Variants in MBD5 observed in about 807,000 individuals in gnomAD.
MBD5 encodes the protein methyl-CpG-binding domain protein 5.
A neutral mutation model predicts 117.3 loss-of-function variants in MBD5; 13 were observed. That is an observed-to-expected ratio of 0.11 (90% confidence interval 0.07 to 0.18). The LOEUF (loss-of-function observed/expected upper bound fraction) is 0.18, where lower values mean the gene tolerates loss of function less well. Among genes scored for constraint, MBD5 ranks in the 10% least tolerant of loss-of-function variants. The pLI is 1.00. For missense variants in MBD5, 1,879 were observed against 2,093.8 expected, an observed-to-expected ratio of 0.90 and a Z score of 2.00; for synonymous variants, 727 against 766.4, an observed-to-expected ratio of 0.95 and a Z score of 0.85.
chr2:148,440,573 G>A (rs1225226484), intron 4 of MBD5, among the ~76,000 whole-genome samples: 1 of 140,314 alleles, frequency 7.1e-6, no homozygotes, highest in East Asian at 2.3e-4. Flanking sequence ...TTATATTTTA[G>A]GAGAGTAAAA....
At chr2:148,213,340 A>G (rs1346902278) in intron 2 of MBD5, among the ~76,000 whole-genome samples, 1 of 152,184 alleles carries the variant, frequency 6.6e-6, no homozygotes, top group Non-Finnish European at 1.5e-5. Context: ...CATTAAATTT[A>G]TTTTAAATAT....
In MBD5 at chr2:148,469,052, A is replaced by G. The variant is rs1459305955; in HGVS notation, c.1109A>G (p.Asn370Ser). 20 of 1,614,052 alleles carry G rather than the reference A, an allele frequency of 1.2e-5. No homozygotes were observed. The highest frequency in any genetic ancestry group is 1.7e-5 in the Non-Finnish European group (20 of 1,179,964). The change falls in exon 8 of 14, where the codon AAT (asparagine) becomes AGT (serine). Residue 370 changes from asparagine (N) to serine (S), a missense_variant. Around this residue, in one of 4 missense-constraint regions of MBD5, gnomAD observed 1,666 missense variants for 1,792.2 expected, o/e 0.93. Coordinates refer to ENST00000642680, the MANE Select transcript of MBD5 (RefSeq NM_001378120.1). ...ILDPIPSKPV[N>S]QNPVIINPTS... ...GACCCTATTCCTAGTAAACCAGTGA[A>G]TCAGAACCCTGTTATCATTAATCCA...
intron 1 of MBD5, among the ~76,000 whole-genome samples, chr2:148,128,492 T>C (rs1696957034): frequency 6.6e-6 from 1 of 152,198 alleles, no homozygotes; most frequent in Admixed American, 6.5e-5. Flanking sequence ...TTAAGTTTCT[T>C]TGTGGGACTG....
At chr2:148,077,648 C>A (rs941348704) in intron 1 of MBD5, among the ~76,000 whole-genome samples, 3 of 151,954 alleles carry the variant, frequency 2.0e-5, no homozygotes, top group African/African-American at 4.8e-5. Flanking sequence ...TTGATAATAC[C>A]TAAGGACGTG....
At chr2:148,147,445 T>A (rs1353530585) in intron 1 of MBD5, among the ~76,000 whole-genome samples, 1 of 151,764 alleles carries the variant, frequency 6.6e-6, no homozygotes, top group Admixed American at 6.6e-5. Context: ...TTTCACCATG[T>A]TGGCCAGGCT....
At chr2:148,263,180 C>T (rs1047673074) in intron 3 of MBD5, among the ~76,000 whole-genome samples, 2 of 152,124 alleles carry the variant, frequency 1.3e-5, no homozygotes, top group African/African-American at 2.4e-5. Context: ...TGAAGATATA[C>T]AGAAGGCTGT....
chr2:148,412,369 A>G (rs561211429), intron 4 of MBD5, among the ~76,000 whole-genome samples: 12 of 151,700 alleles, frequency 7.9e-5, no homozygotes, highest in Admixed American at 1.3e-4. Context: ...AGAGAGAGAG[A>G]GTGAGAGAGA....
In MBD5 at chr2:148,483,327, C is replaced by A. The variant is rs756653034; in HGVS notation, c.2736C>A (p.His912Gln). The A allele has an allele frequency of 8.7e-6, 14 of 1,614,106 alleles. No homozygotes were observed. The East Asian group carries it at 1.3e-4, about 15-fold the overall frequency. The change falls in exon 9 of 14, where the codon CAC (histidine) becomes CAA (glutamine). Residue 912 changes from histidine (H) to glutamine (Q), a missense_variant. By Grantham distance (24) the His-to-Gln change is conservative. This residue lies in a region of MBD5 where 1,666 missense variants were observed against 1,792.2 expected (regional missense o/e 0.93). Coordinates refer to ENST00000642680, the MANE Select transcript of MBD5 (RefSeq NM_001378120.1). ...GCACTTCAAACAACCATCTTCCACA[C>A]CCCTTGAACCCCAGCCTCCTCAGTT... is the stretch of plus-strand genomic sequence containing the variant. ...SNSTSNNHLP[H>Q]PLNPSLLSSL...
At chr2:148,399,792 G>C (rs903121265) in intron 4 of MBD5, among the ~76,000 whole-genome samples, 1 of 152,120 alleles carries the variant, frequency 6.6e-6, no homozygotes, top group Non-Finnish European at 1.5e-5. Context: ...CTGTGGGTTT[G>C]TCATAGATAA....
At position 148,458,259 on chromosome 2, in the gene MBD5, C is replaced by A. The variant is rs184552167; in HGVS notation, c.-500C>A. 1 of 404,456 alleles carries A rather than the reference C, an allele frequency of 2.5e-6. No individual in the cohort carries two copies. The highest frequency in any genetic ancestry group is 3.5e-5 in the East Asian group (1 of 28,474). 25.1% of individuals were successfully genotyped at this position (404,456 alleles called of 1,614,324 possible). A position where few individuals can be genotyped will look rare whatever the true frequency, so the allele number is the denominator to read the frequency against. ...ACATCAGATGAACCAACCTGCAACA[C>A]CTTGGATTCAGATTGGAAGATAAAG... On this transcript the variant is annotated 5_prime_UTR_variant, in exon 5 of 14. Transcript: ENST00000642680.
Position 148,469,595 on chromosome 2 carries a change from T to C in MBD5, c.1652T>C (p.Val551Ala). Reference protein sequence around the residue: ...FPTASAGSSSVKSQPGLLGMP... With the variant: ...FPTASAGSSSAKSQPGLLGMP... The stretch of plus-strand genomic sequence containing the variant: ...ACTGCATCTGCCGGAAGTAGTTCTG[T>C]AAAGAGTCAGCCTGGTTTGCTGGGA... Residue 551 changes from valine to alanine, a missense_variant, in exon 8 of 14, where the codon GTA becomes GCA. By Grantham distance (64) the Val-to-Ala change is moderately conservative. Coordinates refer to ENST00000642680, the MANE Select transcript of MBD5 (RefSeq NM_001378120.1). The C allele has an allele frequency of 6.2e-7, 1 of 1,613,918 alleles. No homozygotes were observed. Among genetic ancestry groups the C allele is most frequent in the Non-Finnish European group, 8.5e-7 (1 of 1,179,920 alleles).
chr2:148,037,761 GTTCA>G (rs1694235122), intron 1 of MBD5, among the ~76,000 whole-genome samples: 1 of 151,918 alleles, frequency 6.6e-6, no homozygotes, highest in Non-Finnish European at 1.5e-5. Context: ...AAGCATAAAT[GTTCA>G]TTAATTCAGT....
intron 1 of MBD5, among the ~76,000 whole-genome samples, chr2:148,081,410 A>T (rs1695644523): frequency 3.3e-5 from 5 of 152,232 alleles, no homozygotes. Context: ...ATGCACAGAT[A>T]TTTCCAGTAT....
At chr2:148,329,446 G>A (rs1282489803) in intron 3 of MBD5, among the ~76,000 whole-genome samples, 1 of 152,066 alleles carries the variant, frequency 6.6e-6, no homozygotes, top group African/African-American at 2.4e-5. Context: ...TTAAAAATAT[G>A]GAGTAGGTAC....
intron 1 of MBD5, among the ~76,000 whole-genome samples, chr2:148,121,670 C>T (rs1696771046): frequency 1.3e-5 from 2 of 151,944 alleles, no homozygotes; most frequent in African/African-American, 4.8e-5. Context: ...AGACATCGTC[C>T]TGGTTTTGAT....
chr2:148,236,221 A>T (rs1034487480), intron 3 of MBD5, among the ~76,000 whole-genome samples: 1 of 152,266 alleles, frequency 6.6e-6, no homozygotes, highest in South Asian at 2.1e-4. Context: ...AGCAAGGAAT[A>T]TTGCCACATC....
At position 148,502,442 on chromosome 2, in the gene MBD5, C is replaced by G; in HGVS notation, c.4969C>G (p.Pro1657Ala). Residue 1657 changes from proline to alanine, a missense_variant, in exon 12 of 14, where the codon CCC becomes GCC. This residue lies in a region of MBD5 where 135 missense variants were observed against 148.0 expected (regional missense o/e 0.91). Coordinates refer to ENST00000642680, the MANE Select transcript of MBD5 (RefSeq NM_001378120.1). ...QQSPEEGKVE[P>A]EKLKTLTEGL... ...TCTTCATACCTTCACTCAGGTGGAG[C>G]CCGAGAAGTTGAAGACACTAACAGA... The G allele has an allele frequency of 6.2e-7, 1 of 1,614,076 alleles. No homozygotes were observed. The highest frequency in any genetic ancestry group is 2.2e-5 in the East Asian group (1 of 44,890).
chr2:148,051,858 G>A (rs1694713786), intron 1 of MBD5, among the ~76,000 whole-genome samples: 1 of 151,662 alleles, frequency 6.6e-6, no homozygotes, highest in Non-Finnish European at 1.5e-5. Context: ...AAGATATGCT[G>A]GTCTTACAGT....
At chr2:148,325,712 T>G (rs1702428444) in intron 3 of MBD5, among the ~76,000 whole-genome samples, 1 of 152,188 alleles carries the variant, frequency 6.6e-6, no homozygotes, top group Non-Finnish European at 1.5e-5. Context: ...TGCGTCTACT[T>G]GATTCTTCTC....
Sources: allele counts gnomAD v4.1 joint callset (sites outside exome capture counted in the v4.1 genomes callset), GRCh38; gene constraint gnomAD v4.1.1; regional missense constraint gnomAD v4.1.1; transcripts MANE v1.5; gene names NCBI Gene and HGNC (gene_info 2026-07-23, HGNC 2026-07-21).